Variants in PLPPR5 observed in about 807,000 individuals in gnomAD.
PLPPR5 encodes phospholipid phosphatase related 5.
Under a neutral mutation model 33.9 loss-of-function variants are expected in PLPPR5, and 16 were observed. The observed-to-expected ratio is 0.47, with a 90% CI of 0.32 to 0.72. PLPPR5 has a LOEUF of 0.72. PLPPR5 is among the 30% of genes least tolerant of loss of function. The pLI, the probability that PLPPR5 is intolerant of heterozygous loss-of-function variation, is 0.03. For synonymous variants in PLPPR5, 163 were observed against 150.3 expected, an observed-to-expected ratio of 1.08 and a Z score of -0.62; for missense variants, 301 against 406.7, an observed-to-expected ratio of 0.74 and a Z score of 2.23.
intron 3 of PLPPR5, among the ~76,000 whole-genome samples, chr1:98,941,795 A>G (rs2497750): frequency 0.7 from 106,154 of 151,026 alleles, 38,003 homozygotes; most frequent in Non-Finnish European, 0.74. Context: ...TTCTTTGGAG[A>G]CTTTTGTTCT....
intron 1 of PLPPR5, among the ~76,000 whole-genome samples, chr1:98,968,791 T>C (rs1651543968): frequency 1.3e-5 from 2 of 152,076 alleles, no homozygotes; most frequent in Admixed American, 1.3e-4. Context: ...ATCATTTTAT[T>C]GTATTCAGCA....
intron 5 of PLPPR5, among the ~76,000 whole-genome samples, chr1:98,896,617 C>A (rs1247081549): frequency 6.6e-6 from 1 of 152,038 alleles, no homozygotes; most frequent in Non-Finnish European, 1.5e-5. Flanking sequence ...AAAGTGTTCA[C>A]TCAGGTGCAC....
chr1:98,983,453 T>A (rs1652132955), intron 1 of PLPPR5, among the ~76,000 whole-genome samples: 1 of 130,894 alleles, frequency 7.6e-6, no homozygotes, highest in Non-Finnish European at 1.6e-5. Context: ...TTCCATGGTG[T>A]ATATGTGCCA....
Position 98,948,162 on chromosome 1 carries a change from G to A in PLPPR5, c.621+4908C>T, listed in dbSNP as rs542497774. ...TCCCTGAATCCTTATACCTCCAAGT[G>A]AGGGCTAGCTCATGCTCCTGTACAG... On this transcript the variant is annotated intron_variant, in intron 3 of 5. Transcript: ENST00000263177. Among the ~76,000 whole-genome samples, 3 of 152,294 alleles carry A rather than the reference G, an allele frequency of 2.0e-5. No individual in the cohort carries two copies. The South Asian group carries it at 6.2e-4, about 32-fold the overall frequency.
intron 1 of PLPPR5, among the ~76,000 whole-genome samples, chr1:98,985,760 A>G (rs1007733415): frequency 1.3e-5 from 2 of 152,200 alleles, no homozygotes; most frequent in East Asian, 1.9e-4. Flanking sequence ...AGCTGTACAC[A>G]TTGGTACATA....
At chr1:98,901,968 T>C (rs1648709970) in intron 5 of PLPPR5, among the ~76,000 whole-genome samples, 1 of 152,060 alleles carries the variant, frequency 6.6e-6, no homozygotes, top group East Asian at 1.9e-4. Context: ...TGCAGCACAG[T>C]GATTATGATT....
chr1:98,892,994 C>T lies in PLPPR5; in HGVS notation c.*78G>A, dbSNP rs1648330879. Reference sequence around the variant, plus strand: ...CAACTTTATAAACTTCACTTGCAATCAAACAAACTTTGGGTGTTATGAATG... The same window carrying T: ...CAACTTTATAAACTTCACTTGCAATTAAACAAACTTTGGGTGTTATGAATG... On this transcript the variant is annotated 3_prime_UTR_variant, in exon 6 of 6. Transcript: ENST00000263177. 1.4e-6 allele frequency: 2 copies of T among 1,381,754 alleles called. No homozygotes were observed. The highest frequency in any genetic ancestry group is 3.9e-5 in the Admixed American group (2 of 50,746). 85.6% of individuals were successfully genotyped at this position (1,381,754 alleles called of 1,614,324 possible).
chr1:98,893,618 C>CTTTTTT (rs58092144), intron 5 of PLPPR5, among the ~76,000 whole-genome samples: 1,554 of 89,868 alleles, frequency 0.017, 10 homozygotes, highest in Non-Finnish European at 0.024. Context: ...TTCACAGCGC[C>CTTTTTT]TTTTTTTTTT....
At chr1:98,988,856 C>T (rs1652352113) in intron 1 of PLPPR5, among the ~76,000 whole-genome samples, 1 of 152,182 alleles carries the variant, frequency 6.6e-6, no homozygotes, top group Middle Eastern at 3.4e-3. Context: ...CTGTGGGTAA[C>T]TTGATGAAAT....
At chr1:98,939,451 A>G (rs1400177231) in intron 3 of PLPPR5, among the ~76,000 whole-genome samples, 1 of 151,862 alleles carries the variant, frequency 6.6e-6, no homozygotes, top group Non-Finnish European at 1.5e-5. Flanking sequence ...TTTTCCCACT[A>G]CTTAGCATCT....
In PLPPR5 at chr1:98,956,631, C is replaced by T. The variant is rs1300267066; in HGVS notation, c.348G>A (p.Val116=). The change falls in exon 2 of 6, where the codon GTG becomes GTA. Residue 116 remains valine (V), a synonymous_variant. Coordinates refer to ENST00000263177, the MANE Select transcript of PLPPR5 (RefSeq NM_001037317.2). The part of the protein sequence containing the change: ...TGDCCYINPL[V]RRTVRFLGIY... Reference sequence around the variant, plus strand: ...TACCAAGAAATCGGACAGTTCGGCGCACCAGCGGGTTTATATAGCAACAGT... The same window carrying T: ...TACCAAGAAATCGGACAGTTCGGCGTACCAGCGGGTTTATATAGCAACAGT... 2.5e-6 allele frequency: 4 copies of T among 1,588,194 alleles called. No individual in the cohort carries two copies. Among genetic ancestry groups the T allele is most frequent in the Non-Finnish European group, 3.4e-6 (4 of 1,171,216 alleles).
intron 5 of PLPPR5, 102 bp downstream of exon 5, chr1:98,914,684 G>T: frequency 9.4e-7 from 1 of 1,060,902 alleles, no homozygotes. Flanking sequence ...ATTACACTAA[G>T]TAAATCAACA....
At chr1:98,913,381 C>A (rs942216051) in intron 5 of PLPPR5, among the ~76,000 whole-genome samples, 1 of 152,158 alleles carries the variant, frequency 6.6e-6, no homozygotes, top group South Asian at 2.1e-4. Context: ...CAGAGCCTAG[C>A]AATGCACACC....
At chr1:98,919,917 A>G (rs1280417021) in intron 4 of PLPPR5, among the ~76,000 whole-genome samples, 5 of 152,188 alleles carry the variant, frequency 3.3e-5, no homozygotes, top group African/African-American at 1.2e-4. Flanking sequence ...GGAGGCTGTT[A>G]TTTAGCCACA....
In PLPPR5 at chr1:98,977,652, G is replaced by A. The variant is rs1457451816; in HGVS notation, c.238-20911C>T. Among the ~76,000 whole-genome samples the A allele has an allele frequency of 4.0e-5, 6 of 150,808 alleles. No homozygotes were observed. The Admixed American group carries it at 4.0e-4, about 10-fold the overall frequency. Reference sequence around the variant, plus strand: ...CTGTGAATGTATTGAACCTTATCTGGTTCCTCATGCTGACATTTGAACATA... The same window carrying A: ...CTGTGAATGTATTGAACCTTATCTGATTCCTCATGCTGACATTTGAACATA... On this transcript the variant is annotated intron_variant, in intron 1 of 5. Coordinates refer to ENST00000263177, the MANE Select transcript of PLPPR5 (RefSeq NM_001037317.2).
chr1:98,900,065 T>C lies in PLPPR5; in HGVS notation c.934-6961A>G, dbSNP rs79347358. Among the ~76,000 whole-genome samples, 514 of 152,226 alleles carry C rather than the reference T, an allele frequency of 3.4e-3. 3 individuals carry two copies. Among genetic ancestry groups the C allele is most frequent in the African/African-American group, 0.012 (481 of 41,558 alleles). On this transcript the variant is annotated intron_variant, in intron 5 of 5. Transcript: ENST00000263177. Reference sequence around the variant, plus strand: ...TTGAAATGTAAAATCCCAACTTAACTCCTGTCTTACCTCCCTCACACAACA... The same window carrying C: ...TTGAAATGTAAAATCCCAACTTAACCCCTGTCTTACCTCCCTCACACAACA...
intron 5 of PLPPR5, among the ~76,000 whole-genome samples, chr1:98,894,999 G>C (rs1342457883): frequency 6.6e-6 from 1 of 152,020 alleles, no homozygotes; most frequent in African/African-American, 2.4e-5. Flanking sequence ...GTGGAAGGGG[G>C]AAAAGGGTGC....
At chr1:98,990,015 A>AGAT (rs1652395942) in intron 1 of PLPPR5, among the ~76,000 whole-genome samples, 2 of 152,206 alleles carry the variant, frequency 1.3e-5, no homozygotes, top group Admixed American at 1.3e-4. Flanking sequence ...GATGATCTTA[A>AGAT]GTCATCTGAT....
At chr1:98,979,835 T>C (rs928500562) in intron 1 of PLPPR5, among the ~76,000 whole-genome samples, 1 of 152,042 alleles carries the variant, frequency 6.6e-6, no homozygotes, top group Non-Finnish European at 1.5e-5. Flanking sequence ...TTTTCTCAAA[T>C]TCACCACATC....
Sources: gnomAD v4.1 joint callset for allele counts (sites outside exome capture counted in the v4.1 genomes callset) on GRCh38, gnomAD v4.1.1 for gene constraint, MANE v1.5 for transcripts, NCBI Gene and HGNC (gene_info 2026-07-23, HGNC 2026-07-21) for gene names.